Variants in UBAC2 observed in about 807,000 individuals in gnomAD.
UBAC2 encodes UBA domain containing 2.
A neutral mutation model predicts 44.0 loss-of-function variants in UBAC2; 26 were observed. That is an observed-to-expected ratio of 0.59 (90% CI 0.43 to 0.82). UBAC2 has a LOEUF of 0.82. Ranked by LOEUF, UBAC2 falls within the 40% of genes least tolerant of loss-of-function variation. The pLI is 0.00. For missense variants in UBAC2, 329 were observed against 419.4 expected, an observed-to-expected ratio of 0.78 and a Z score of 1.88; for synonymous variants, 155 against 154.3, an observed-to-expected ratio of 1.00 and a Z score of -0.04.
At chr13:99,244,937 A>G (rs1566465200) in intron 4 of UBAC2, among the ~76,000 whole-genome samples, 1 of 151,702 alleles carries the variant, frequency 6.6e-6, no homozygotes, top group Non-Finnish European at 1.5e-5. Context: ...GGTTCAAGCG[A>G]TTCTCCTGCC....
chr13:99,214,008 G>A (rs2042963244), intron 1 of UBAC2, among the ~76,000 whole-genome samples: 1 of 149,808 alleles, frequency 6.7e-6, no homozygotes, highest in Admixed American at 6.6e-5. Flanking sequence ...TAATAGAGAT[G>A]GGGTTTCACC....
At chr13:99,271,156 A>T (rs58955687) in intron 4 of UBAC2, among the ~76,000 whole-genome samples, 1 of 152,276 alleles carries the variant, frequency 6.6e-6, no homozygotes, top group African/African-American at 2.4e-5. Context: ...AAAAATTTGT[A>T]ATATATATAT....
chr13:99,237,226 T>G (rs2043244189), intron 1 of UBAC2, among the ~76,000 whole-genome samples: 1 of 146,928 alleles, frequency 6.8e-6, no homozygotes, highest in African/African-American at 2.5e-5. Flanking sequence ...GGGAAAAAAA[T>G]GGATGATAGA....
chr13:99,359,687 C>G (rs2138876751), intron 7 of UBAC2, among the ~76,000 whole-genome samples: 1 of 152,350 alleles, frequency 6.6e-6, no homozygotes, highest in Non-Finnish European at 1.5e-5. Flanking sequence ...CCATGCAAAT[C>G]TGTCTTTTTC....
intron 4 of UBAC2, among the ~76,000 whole-genome samples, chr13:99,302,015 A>T (rs1466908575): frequency 6.6e-6 from 1 of 152,200 alleles, no homozygotes; most frequent in African/African-American, 2.4e-5. Flanking sequence ...AGTTGTGCTG[A>T]GATGATCACC....
intron 4 of UBAC2, among the ~76,000 whole-genome samples, chr13:99,291,117 C>T (rs915464634): frequency 7.9e-5 from 12 of 152,128 alleles, no homozygotes; most frequent in African/African-American, 2.7e-4. Flanking sequence ...ACCATGTGAC[C>T]TTGTTGCTAT....
intron 6 of UBAC2, among the ~76,000 whole-genome samples, chr13:99,335,581 G>C (rs922462132): frequency 5.9e-5 from 9 of 152,300 alleles, no homozygotes; most frequent in African/African-American, 2.2e-4. Context: ...AATTTTGCAG[G>C]AAGATGAGCG....
chr13:99,278,719 C>T (rs1174220750), intron 4 of UBAC2, among the ~76,000 whole-genome samples: 1 of 152,152 alleles, frequency 6.6e-6, no homozygotes. Context: ...GATATCTTCT[C>T]TCCTTTAATT....
intron 4 of UBAC2, among the ~76,000 whole-genome samples, chr13:99,278,064 C>G (rs2043906964): frequency 6.6e-6 from 1 of 152,186 alleles, no homozygotes; most frequent in Admixed American, 6.5e-5. Context: ...CTGCCTCTTG[C>G]ATTGCACAGG....
chr13:99,321,733 A>G (rs907020320), intron 6 of UBAC2, among the ~76,000 whole-genome samples: 5 of 152,254 alleles, frequency 3.3e-5, no homozygotes, highest in African/African-American at 1.2e-4. Flanking sequence ...ACAGTATTTT[A>G]CTAGGTAAGT....
chr13:99,280,604 T>A (rs2043939878), intron 4 of UBAC2, among the ~76,000 whole-genome samples: 2 of 152,214 alleles, frequency 1.3e-5, no homozygotes, highest in Admixed American at 1.3e-4. Context: ...GACCACTCTC[T>A]CAACTGGATG....
intron 2 of UBAC2, among the ~76,000 whole-genome samples, chr13:99,239,242 C>T (rs2142728195): frequency 6.6e-6 from 1 of 152,334 alleles, no homozygotes; most frequent in East Asian, 1.9e-4. Context: ...AGATTGGCTT[C>T]ACCAACTTAC....
intron 5 of UBAC2, among the ~76,000 whole-genome samples, chr13:99,317,741 A>G (rs964664031): frequency 6.6e-6 from 1 of 152,200 alleles, no homozygotes; most frequent in African/African-American, 2.4e-5. Flanking sequence ...TGTAAATAAC[A>G]TCATACTTGG....
At chr13:99,358,862 T>G (rs1015717033) in intron 7 of UBAC2, among the ~76,000 whole-genome samples, 1 of 152,106 alleles carries the variant, frequency 6.6e-6, no homozygotes, top group Non-Finnish European at 1.5e-5. Flanking sequence ...TGGGACGTGT[T>G]CTATCTTAGG....
intron 8 of UBAC2, among the ~76,000 whole-genome samples, chr13:99,371,053 G>A (rs1038679176): frequency 1.3e-5 from 2 of 152,036 alleles, no homozygotes; most frequent in Non-Finnish European, 2.9e-5. Flanking sequence ...TTAAGACGAG[G>A]TATTTAAAGG....
intron 7 of UBAC2, among the ~76,000 whole-genome samples, chr13:99,350,905 G>T (rs1291529349): frequency 6.6e-6 from 1 of 152,198 alleles, no homozygotes. Flanking sequence ...CACCCTGCTG[G>T]TGTCCACTGG....
At chr13:99,205,144 C>T (rs1039395458) in intron 1 of UBAC2, among the ~76,000 whole-genome samples, 10 of 152,114 alleles carry the variant, frequency 6.6e-5, no homozygotes, top group South Asian at 2.1e-4. Flanking sequence ...CCTCGTGATC[C>T]GCCCGCCTCG....
intron 4 of UBAC2, among the ~76,000 whole-genome samples, chr13:99,277,467 G>A (rs560521784): frequency 6.6e-6 from 1 of 151,852 alleles, no homozygotes; most frequent in East Asian, 1.9e-4. Flanking sequence ...GGAGGTTACA[G>A]TGAGCCGAGA....
At chr13:99,320,943 A>T (rs957372622) in intron 6 of UBAC2, among the ~76,000 whole-genome samples, 1 of 152,234 alleles carries the variant, frequency 6.6e-6, no homozygotes, top group Non-Finnish European at 1.5e-5. Context: ...ATTTATGCTA[A>T]ATAAAATACT....
Sources: allele counts gnomAD v4.1 joint callset (sites outside exome capture counted in the v4.1 genomes callset), GRCh38; gene constraint gnomAD v4.1.1; transcripts MANE v1.5; gene names NCBI Gene and HGNC (gene_info 2026-07-23, HGNC 2026-07-21).